The following LMBR1 variants were observed in gnomAD, a reference collection of about 807,000 sequenced individuals.
The protein encoded by LMBR1 is limb development membrane protein 1, also known as limb region 1 protein homolog.
Under a neutral mutation model 73.9 loss-of-function variants are expected in LMBR1, and 52 were observed. The ratio of observed to expected loss-of-function variants is 0.70; its 90% confidence interval spans 0.56 to 0.89. The LOEUF is 0.89. Among genes scored for constraint, LMBR1 ranks in the 40% least tolerant of loss-of-function variants. LMBR1 has a pLI of 0.00. For missense variants in LMBR1, 539 were observed against 579.8 expected, an observed-to-expected ratio of 0.93 and a Z score of 0.72; for synonymous variants, 215 against 209.4, an observed-to-expected ratio of 1.03 and a Z score of -0.23.
Position 156,713,885 on chromosome 7 carries a change from A to G in LMBR1, c.1225+10227T>C, listed in dbSNP as rs76270009. ...CCAATTACATTTATTTAGAAACTCT[A>G]TATTTTCTGTATTTGTTTTTGTGTT... On this transcript the variant is annotated intron_variant, in intron 15 of 16. Transcript: ENST00000353442. 1.4e-3 allele frequency among the ~76,000 whole-genome samples: 216 copies of G among 152,236 alleles called. 2 individuals are homozygous for G. Among genetic ancestry groups the G allele is most frequent in the African/African-American group, 4.6e-3 (191 of 41,530 alleles).
At chr7:156,692,889 T>C (rs1482622635) in intron 15 of LMBR1, among the ~76,000 whole-genome samples, 3 of 152,014 alleles carry the variant, frequency 2.0e-5, no homozygotes. Context: ...TTTCAAAAGC[T>C]AGAGGAAAGA....
intron 4 of LMBR1, among the ~76,000 whole-genome samples, chr7:156,800,001 G>A (rs1243686592): frequency 6.6e-6 from 1 of 152,208 alleles, no homozygotes; most frequent in Non-Finnish European, 1.5e-5. Context: ...AGAAAAGTCT[G>A]AAGCTACCAG....
intron 4 of LMBR1, among the ~76,000 whole-genome samples, chr7:156,805,008 C>T (rs539270272): frequency 3.9e-5 from 6 of 152,072 alleles, no homozygotes; most frequent in East Asian, 3.9e-4. Context: ...TTACAGTTTG[C>T]GAATGGTGCC....
At chr7:156,857,335 A>G (rs902385522) in intron 1 of LMBR1, among the ~76,000 whole-genome samples, 1 of 152,236 alleles carries the variant, frequency 6.6e-6, no homozygotes, top group Admixed American at 6.5e-5. Context: ...CGGCAGCTAT[A>G]TTAATTTCAG....
intron 1 of LMBR1, among the ~76,000 whole-genome samples, chr7:156,865,524 A>G (rs1798330624): frequency 1.3e-5 from 2 of 152,224 alleles, no homozygotes; most frequent in Non-Finnish European, 2.9e-5. Context: ...TACATATTCA[A>G]TATAATTGCT....
intron 12 of LMBR1, among the ~76,000 whole-genome samples, chr7:156,727,534 G>A (rs1816010910): frequency 1.3e-5 from 2 of 152,164 alleles, no homozygotes; most frequent in Non-Finnish European, 2.9e-5. Context: ...TGGTGGGCTT[G>A]TACTCATGGA....
chr7:156,859,553 A>G (rs974665647), intron 1 of LMBR1, among the ~76,000 whole-genome samples: 4 of 142,290 alleles, frequency 2.8e-5, no homozygotes, highest in African/African-American at 1.1e-4. Flanking sequence ...CCAGCAATTA[A>G]CAACTGGAAT....
At chr7:156,750,150 A>G (rs1820582879) in intron 9 of LMBR1, among the ~76,000 whole-genome samples, 1 of 152,222 alleles carries the variant, frequency 6.6e-6, no homozygotes. Flanking sequence ...CTTAAACAAC[A>G]AAAAATAATT....
At chr7:156,711,367 T>A (rs947298886) in intron 15 of LMBR1, among the ~76,000 whole-genome samples, 3 of 152,118 alleles carry the variant, frequency 2.0e-5, no homozygotes, top group African/African-American at 7.2e-5. Context: ...CACAAACAAA[T>A]GGAAAAACAT....
At chr7:156,676,245 G>GTGTA (rs57844131), downstream of LMBR1, 524,801 of 1,501,232 alleles carry the variant, frequency 0.35, 88,894 homozygotes, top group African/African-American at 0.49. Flanking sequence ...ATATGTGTGT[G>GTGTA]TATATATATA....
intron 1 of LMBR1, among the ~76,000 whole-genome samples, chr7:156,883,948 T>C (rs1801494889): frequency 6.6e-6 from 1 of 152,198 alleles, no homozygotes; most frequent in African/African-American, 2.4e-5. Flanking sequence ...CTCCAGGGAT[T>C]ACCACATGGA....
intron 4 of LMBR1, among the ~76,000 whole-genome samples, chr7:156,811,531 C>A (rs1394448265): frequency 6.6e-6 from 1 of 152,098 alleles, no homozygotes; most frequent in African/African-American, 2.4e-5. Flanking sequence ...ATCACCTAAA[C>A]CCGGGAGGCG....
At chr7:156,757,227 A>C (rs1284679788) in intron 8 of LMBR1, among the ~76,000 whole-genome samples, 2 of 152,274 alleles carry the variant, frequency 1.3e-5, no homozygotes, top group Non-Finnish European at 2.9e-5. Flanking sequence ...CACCCAGTCC[A>C]ACATTTGTTT....
chr7:156,686,155 C>T (rs1463594256), intron 16 of LMBR1, among the ~76,000 whole-genome samples: 2 of 151,998 alleles, frequency 1.3e-5, no homozygotes, highest in East Asian at 3.9e-4. Context: ...ATGAAGGCAC[C>T]CTTTTAGGAT....
chr7:156,875,004 G>T (rs1799945157), intron 1 of LMBR1, among the ~76,000 whole-genome samples: 1 of 152,116 alleles, frequency 6.6e-6, no homozygotes, highest in Admixed American at 6.6e-5. Flanking sequence ...GCTAATCAAG[G>T]AGGTACCAGA....
intron 1 of LMBR1, among the ~76,000 whole-genome samples, chr7:156,857,326 G>A (rs539725573): frequency 2.6e-5 from 4 of 152,202 alleles, no homozygotes; most frequent in South Asian, 2.1e-4. Flanking sequence ...TCAAGAGAAC[G>A]GCAGCTATAT....
chr7:156,725,936 A>C, intron 12 of LMBR1, 99 bp from the exon 13 acceptor site: 1 of 861,804 alleles, frequency 1.2e-6, no homozygotes, highest in Non-Finnish European at 1.8e-6. Flanking sequence ...GAAATTATGA[A>C]TGTTTACTAC....
chr7:156,875,505 G>A (rs1180587820), intron 1 of LMBR1, among the ~76,000 whole-genome samples: 1 of 152,166 alleles, frequency 6.6e-6, no homozygotes, highest in Non-Finnish European at 1.5e-5. Flanking sequence ...TCATCTCCTA[G>A]GCACATTGTC....
In LMBR1 at chr7:156,832,884, A is replaced by G. The variant is rs117981998; in HGVS notation, c.179+869T>C. 7.2e-5 allele frequency among the ~76,000 whole-genome samples: 11 copies of G among 152,342 alleles called. No individual in the cohort carries two copies. In the East Asian group the frequency reaches 2.1e-3, roughly 29 times the overall value. On this transcript the variant is annotated intron_variant, in intron 3 of 16. Transcript: ENST00000353442. ...AGTGTTTCAGTCTGAAGGAGACTAA[A>G]GGACATGACACCCAAATGCAATGTG...
Sources: gnomAD v4.1 joint callset for allele counts (sites outside exome capture counted in the v4.1 genomes callset) on GRCh38, gnomAD v4.1.1 for gene constraint, MANE v1.5 for transcripts, NCBI Gene and HGNC (gene_info 2026-07-23, HGNC 2026-07-21) for gene names.